CSMD1: variants seen among roughly 807,000 people sequenced by gnomAD.
CSMD1 encodes the protein CUB and Sushi multiple domains 1, also known as CUB and sushi domain-containing protein 1.
In CSMD1, 213 loss-of-function variants were observed where a neutral mutation model predicts 417.5. The ratio of observed to expected loss-of-function variants is 0.51; its 90% CI spans 0.46 to 0.57. The LOEUF (loss-of-function observed/expected upper bound fraction) is 0.57, where lower values mean the gene tolerates loss of function less well. Ranked by LOEUF, CSMD1 falls within the 20% of genes least tolerant of loss-of-function variation. The pLI, the probability that CSMD1 is intolerant of heterozygous loss-of-function variation, is 0.00. For synonymous variants in CSMD1, 2,862 were observed against 1,736.8 expected (o/e 1.65, Z -16.11); for missense variants, 6,923 against 4,529.7 (o/e 1.53, Z -15.17).
chr8:3,424,141 T>A (rs1402290571), intron 12 of CSMD1, among the ~76,000 whole-genome samples: 1 of 152,214 alleles, frequency 6.6e-6, no homozygotes, highest in Admixed American at 6.5e-5. Flanking sequence ...CTCATTTGTA[T>A]CTAAGAGCAT....
At chr8:3,301,296 G>A (rs551129627) in intron 25 of CSMD1, among the ~76,000 whole-genome samples, 9 of 152,228 alleles carry the variant, frequency 5.9e-5, no homozygotes, top group South Asian at 4.1e-4. Context: ...TCTACCCAGC[G>A]AAGGAACCAG....
chr8:4,951,869 A>G (rs1390962827), intron 1 of CSMD1, among the ~76,000 whole-genome samples: 1 of 151,698 alleles, frequency 6.6e-6, no homozygotes. Context: ...ACCACCCTGC[A>G]TATACAATGA....
At chr8:4,028,857 A>G (rs546647270) in intron 4 of CSMD1, among the ~76,000 whole-genome samples, 2 of 152,344 alleles carry the variant, frequency 1.3e-5, no homozygotes, top group African/African-American at 2.4e-5. Flanking sequence ...TTTGTACTCA[A>G]AAGATAAATT....
chr8:3,279,746 C>T (rs912994742), intron 26 of CSMD1, among the ~76,000 whole-genome samples: 1 of 152,028 alleles, frequency 6.6e-6, no homozygotes, highest in Non-Finnish European at 1.5e-5. Context: ...AGCAAAGCAC[C>T]TTCTTTAGAG....
chr8:4,003,108 T>C (rs1273660734), intron 4 of CSMD1, among the ~76,000 whole-genome samples: 1 of 152,170 alleles, frequency 6.6e-6, no homozygotes, highest in African/African-American at 2.4e-5. Flanking sequence ...AGAAACAAGA[T>C]ACAGGCTTGG....
intron 5 of CSMD1, among the ~76,000 whole-genome samples, chr8:3,909,725 C>G (rs527246549): frequency 6.6e-6 from 1 of 152,042 alleles, no homozygotes; most frequent in Non-Finnish European, 1.5e-5. Flanking sequence ...GTAGCAAAGG[C>G]AAAAGTTTAG....
intron 3 of CSMD1, among the ~76,000 whole-genome samples, chr8:4,235,378 T>A (rs1284679811): frequency 6.6e-6 from 1 of 152,140 alleles, no homozygotes; most frequent in East Asian, 1.9e-4. Flanking sequence ...TTTGTTTGTT[T>A]GTTTTTTGTT....
intron 48 of CSMD1, among the ~76,000 whole-genome samples, chr8:3,087,644 T>A (rs1814639811): frequency 6.6e-6 from 1 of 152,214 alleles, no homozygotes; most frequent in Admixed American, 6.5e-5. Flanking sequence ...GCTAAGGAGC[T>A]ATAAAAGAAA....
intron 2 of CSMD1, among the ~76,000 whole-genome samples, chr8:4,475,110 T>A (rs1435464637): frequency 1.3e-5 from 2 of 152,206 alleles, no homozygotes; most frequent in Non-Finnish European, 2.9e-5. Context: ...AATGGATATG[T>A]GTTTTAGGAT....
At chr8:3,641,269 G>C (rs1797292760) in intron 7 of CSMD1, among the ~76,000 whole-genome samples, 1 of 152,080 alleles carries the variant, frequency 6.6e-6, no homozygotes. Context: ...ATCCAGGGGA[G>C]TAAGTGGCAG....
intron 5 of CSMD1, among the ~76,000 whole-genome samples, chr8:3,867,272 AC>A (rs1805169775): frequency 6.6e-6 from 1 of 152,202 alleles, no homozygotes; most frequent in South Asian, 2.1e-4. Context: ...CCATACCATT[AC>A]ATATCTTGAA....
intron 2 of CSMD1, among the ~76,000 whole-genome samples, chr8:4,425,834 T>G (rs555505368): frequency 6.6e-6 from 1 of 152,252 alleles, no homozygotes; most frequent in Non-Finnish European, 1.5e-5. Flanking sequence ...AGTACGGGAA[T>G]ATTTTAGTAT....
intron 2 of CSMD1, among the ~76,000 whole-genome samples, chr8:4,447,838 T>C (rs1317263676): frequency 1.3e-5 from 2 of 152,088 alleles, no homozygotes; most frequent in African/African-American, 4.8e-5. Context: ...AAGATTTAAG[T>C]GATAAACTTA....
At chr8:3,629,882 C>G (rs143350554) in intron 7 of CSMD1, among the ~76,000 whole-genome samples, 3 of 152,174 alleles carry the variant, frequency 2.0e-5, no homozygotes, top group Non-Finnish European at 2.9e-5. Context: ...GGAAATCGTG[C>G]CTTTTCACTT....
chr8:3,053,817 A>G (rs1172161966), intron 49 of CSMD1, among the ~76,000 whole-genome samples: 1 of 152,184 alleles, frequency 6.6e-6, no homozygotes, highest in East Asian at 1.9e-4. Context: ...CTTCAGCTGC[A>G]CTCATAAAAG....
intron 48 of CSMD1, among the ~76,000 whole-genome samples, chr8:3,088,662 G>A (rs1814709755): frequency 6.6e-6 from 1 of 151,796 alleles, no homozygotes; most frequent in South Asian, 2.1e-4. Flanking sequence ...TTTCTTAACT[G>A]AAAATCCACT....
intron 6 of CSMD1, among the ~76,000 whole-genome samples, chr8:3,739,469 T>G (rs1161972984): frequency 4.6e-5 from 7 of 152,232 alleles, no homozygotes; most frequent in Non-Finnish European, 8.8e-5. Context: ...TACTCTGGTT[T>G]GATCACTACA....
chr8:3,151,358 A>G, intron 40 of CSMD1, 39 bp downstream of exon 40: 1 of 1,337,500 alleles, frequency 7.5e-7, no homozygotes, highest in Non-Finnish European at 1.1e-6. Context: ...TGGAAATGAA[A>G]AAAATGAACT....
At chr8:4,137,342 A>T (rs1442385640) in intron 3 of CSMD1, among the ~76,000 whole-genome samples, 1 of 152,080 alleles carries the variant, frequency 6.6e-6, no homozygotes, top group Admixed American at 6.6e-5. Flanking sequence ...GCTAACTCAG[A>T]CATGTTGAAT....
Sources: gnomAD v4.1 joint callset for allele counts (sites outside exome capture counted in the v4.1 genomes callset) on GRCh38, gnomAD v4.1.1 for gene constraint, MANE v1.5 for transcripts, NCBI Gene and HGNC (gene_info 2026-07-23, HGNC 2026-07-21) for gene names.